The following IFT74 variants were observed in gnomAD, a reference collection of about 807,000 sequenced individuals.
The protein encoded by IFT74 is intraflagellar transport protein 74 homolog.
IFT74 carries 92 observed loss-of-function variants against 96.7 expected under a neutral mutation model. The ratio of observed to expected loss-of-function variants is 0.95; its 90% CI spans 0.80 to 1.13. The LOEUF is 1.13. Ranked by LOEUF, IFT74 falls within the 50% of genes most tolerant of loss-of-function variation. The probability of loss-of-function intolerance (pLI) is 0.00; values close to 1 mark genes in which losing one functional copy is unlikely to be tolerated. For missense variants in IFT74, 811 were observed against 698.2 expected (o/e 1.16, Z -1.82); for synonymous variants, 223 against 213.2 (o/e 1.05, Z -0.40).
intron 1 of IFT74, among the ~76,000 whole-genome samples, chr9:26,948,445 A>ATTTTTTTTTTTT (rs1554662864): frequency 6.3e-5 from 3 of 47,312 alleles, no homozygotes; most frequent in East Asian, 9.7e-4. Context: ...ATGGCTTTCC[A>ATTTTTTTTTTTT]TTATTTTTTT....
intron 1 of IFT74, among the ~76,000 whole-genome samples, chr9:26,948,448 A>ATTATTATTATTTTTTTTT (rs1825819541): frequency 3.4e-5 from 2 of 59,162 alleles, no homozygotes; most frequent in Non-Finnish European, 3.8e-5. Flanking sequence ...GCTTTCCATT[A>ATTATTATTATTTTTTTTT]TTTTTTTTTT....
In IFT74 at chr9:27,060,667, C is replaced by A; in HGVS notation, c.1684+16C>A. ...ATGAAAGAATGTATCCTTTAAAAAGCTGAAAATGGGGCCGGGTGCGGTGGC... is the reference window on the plus strand; with the variant it reads ...ATGAAAGAATGTATCCTTTAAAAAGATGAAAATGGGGCCGGGTGCGGTGGC... On this transcript the variant is annotated intron_variant, in intron 19 of 19. Transcript: ENST00000380062. The A allele has an allele frequency of 6.3e-7, 1 of 1,583,904 alleles. No homozygotes were observed. The highest frequency in any genetic ancestry group is 8.6e-7 in the Non-Finnish European group (1 of 1,160,378).
At chr9:27,038,096 T>C (rs1819283861) in intron 13 of IFT74, among the ~76,000 whole-genome samples, 1 of 152,332 alleles carries the variant, frequency 6.6e-6, no homozygotes, top group East Asian at 1.9e-4. Context: ...CATGGATTTA[T>C]GGAAGAGCTT....
intron 19 of IFT74, chr9:27,060,877 G>A (rs1820386668): frequency 7.6e-6 from 2 of 262,960 alleles, no homozygotes. Flanking sequence ...CAGGAGAATG[G>A]CGTGAAACCG....
At chr9:27,057,926 T>C (rs749888625) in intron 18 of IFT74, among the ~76,000 whole-genome samples, 1 of 152,202 alleles carries the variant, frequency 6.6e-6, no homozygotes, top group Non-Finnish European at 1.5e-5. Context: ...ATAAAAATGA[T>C]GTCATTTGAT....
chr9:26,978,162 G>C lies in IFT74; in HGVS notation c.155G>C (p.Gly52Ala). ...GGGACAGCAAGACCAGGTTCTCGTG[G>C]TTGTCCCATAGGGACTGGTGGAGTT... is the stretch of plus-strand genomic sequence containing the variant. Reference protein sequence around the residue: ...PPGTARPGSRGCPIGTGGVLS... With the variant: ...PPGTARPGSRACPIGTGGVLS... Residue 52 changes from glycine (G) to alanine (A), a missense_variant, in exon 3 of 20, where the codon GGT becomes GCT. Transcript: ENST00000380062. The C allele has an allele frequency of 6.2e-7, 1 of 1,609,880 alleles. No individual in the cohort carries two copies. Among genetic ancestry groups the C allele is most frequent in the Non-Finnish European group, 8.5e-7 (1 of 1,179,366 alleles).
At chr9:26,977,769 G>C (rs10967636) in intron 2 of IFT74, among the ~76,000 whole-genome samples, 1 of 152,094 alleles carries the variant, frequency 6.6e-6, no homozygotes, top group East Asian at 1.9e-4. Context: ...GATTACAGGC[G>C]TGAGCCACCA....
intron 6 of IFT74, among the ~76,000 whole-genome samples, chr9:26,985,757 TA>T (rs1450741189): frequency 6.6e-6 from 1 of 152,206 alleles, no homozygotes; most frequent in Non-Finnish European, 1.5e-5. Flanking sequence ...TAAAAGTGGC[TA>T]AAATGTATTG....
chr9:27,033,848 G>T (rs1038298995), intron 13 of IFT74, among the ~76,000 whole-genome samples: 1 of 151,882 alleles, frequency 6.6e-6, no homozygotes, highest in Non-Finnish European at 1.5e-5. Flanking sequence ...CCCAGAAAAG[G>T]TTGTATTATG....
intron 13 of IFT74, among the ~76,000 whole-genome samples, chr9:27,041,355 A>C (rs566707040): frequency 2.0e-5 from 3 of 152,230 alleles, no homozygotes; most frequent in Non-Finnish European, 4.4e-5. Flanking sequence ...TTGGTTTTGT[A>C]CACCTAATGG....
intron 16 of IFT74, among the ~76,000 whole-genome samples, chr9:27,050,117 G>C (rs750092198): frequency 1.1e-4 from 16 of 152,068 alleles, no homozygotes; most frequent in Non-Finnish European, 1.6e-4. Flanking sequence ...GAGTGCAGTG[G>C]CGTGATCACA....
At chr9:26,985,883 C>T (rs761205177) in intron 6 of IFT74, among the ~76,000 whole-genome samples, 19 of 152,012 alleles carry the variant, frequency 1.2e-4, no homozygotes, top group Non-Finnish European at 2.5e-4. Context: ...ATGTTTTACT[C>T]GAAATATTGT....
At chr9:26,999,770 C>CTTTTTTTTTTT (rs1179000269) in intron 8 of IFT74, 32 of 340,168 alleles carry the variant, frequency 9.4e-5, no homozygotes, top group African/African-American at 4.2e-4. Flanking sequence ...TCTGTTTATT[C>CTTTTTTTTTTT]TTTTTTTTTT....
chr9:26,988,992 T>C (rs1827754978), intron 7 of IFT74, among the ~76,000 whole-genome samples: 2 of 152,120 alleles, frequency 1.3e-5, no homozygotes, highest in African/African-American at 4.8e-5. Context: ...AGTTAGGGAG[T>C]GCCATCTCCA....
At chr9:27,006,831 G>GTTTTTTT (rs35534656) in intron 8 of IFT74, among the ~76,000 whole-genome samples, 2 of 64,396 alleles carry the variant, frequency 3.1e-5, no homozygotes, top group African/African-American at 6.0e-5. Context: ...ATTATTGTGT[G>GTTTTTTT]TTTTTTTTTT....
At chr9:27,025,346 GGCAGAA>G (rs1829808790) in intron 12 of IFT74, among the ~76,000 whole-genome samples, 1 of 150,624 alleles carries the variant, frequency 6.6e-6, no homozygotes, top group African/African-American at 2.4e-5. Flanking sequence ...GGGAGGCTAA[GGCAGAA>G]AAATCACTTG....
At chr9:26,963,504 T>C (rs1172332178) in intron 2 of IFT74, among the ~76,000 whole-genome samples, 1 of 150,798 alleles carries the variant, frequency 6.6e-6, no homozygotes, top group African/African-American at 2.4e-5. Context: ...AAATGGTATT[T>C]CCAGTTCTAG....
At chr9:26,972,774 T>G (rs1428996482) in intron 2 of IFT74, among the ~76,000 whole-genome samples, 3 of 152,186 alleles carry the variant, frequency 2.0e-5, no homozygotes, top group Non-Finnish European at 4.4e-5. Context: ...GCCTTATTCT[T>G]TGCTTGCCTG....
chr9:27,023,864 G>A (rs1488515331), intron 12 of IFT74, among the ~76,000 whole-genome samples: 2 of 152,064 alleles, frequency 1.3e-5, no homozygotes, highest in Non-Finnish European at 2.9e-5. Flanking sequence ...ACCCTGCCCC[G>A]ACCTGATGGT....
Sources: allele counts gnomAD v4.1 joint callset (sites outside exome capture counted in the v4.1 genomes callset), GRCh38; gene constraint gnomAD v4.1.1; transcripts MANE v1.5; gene names NCBI Gene and HGNC (gene_info 2026-07-23, HGNC 2026-07-21).